RGS12: variants seen among roughly 807,000 people sequenced by gnomAD.
RGS12 encodes the protein regulator of G-protein signaling 12.
RGS12 carries 66 observed loss-of-function variants against 120.1 expected under a neutral mutation model. The ratio of observed to expected loss-of-function variants is 0.55; its 90% confidence interval spans 0.45 to 0.67. The LOEUF (loss-of-function observed/expected upper bound fraction) is 0.67. Among genes scored for constraint, RGS12 ranks in the 30% least tolerant of loss-of-function variants. The pLI, the probability that RGS12 is intolerant of heterozygous loss-of-function variation, is 0.00. For missense variants in RGS12, 1,859 were observed against 1,957.7 expected (o/e 0.95, Z 0.95); for synonymous variants, 827 against 804.7 (o/e 1.03, Z -0.47).
chr4:3,355,820 A>G (rs578204474), intron 3 of RGS12, among the ~76,000 whole-genome samples: 10 of 151,018 alleles, frequency 6.6e-5, no homozygotes, highest in African/African-American at 2.4e-4. Flanking sequence ...AAAAAAAGGA[A>G]AAAAGAAGAA....
Position 3,368,603 on chromosome 4 carries a change from TGGGTACCTGTGTGTGGGG to T in RGS12, c.1999-17806_1999-17789del, listed in dbSNP as rs760920971. On this transcript the variant is annotated intron_variant, in intron 3 of 17. Coordinates refer to ENST00000336727, the MANE Select transcript of RGS12 (RefSeq NM_001394154.1). ...GCCTGTGTGTGTGCCTGTGTGTGTG[TGGGTACCTGTGTGTGGGG>T]GGGTACATGTGTGTGTGTGGTACGT... 1.7e-3 allele frequency among the ~76,000 whole-genome samples: 185 copies of T among 108,868 alleles called. 1 individual carries two copies. Among genetic ancestry groups the T allele is most frequent in the Non-Finnish European group, 2.5e-3 (138 of 55,612 alleles). The allele number at this position is 108,868 out of a possible 152,430, so 71.4% of individuals were successfully genotyped here. A position where few individuals can be genotyped will look rare whatever the true frequency, so the allele number is the denominator to read the frequency against.
chr4:3,344,069 C>T (rs1210229773), intron 3 of RGS12, among the ~76,000 whole-genome samples: 2 of 152,072 alleles, frequency 1.3e-5, no homozygotes, highest in Non-Finnish European at 2.9e-5. Context: ...GTGGGACGGG[C>T]GAGAGTGTTC....
At chr4:3,401,998 CT>C (rs1720638064) in intron 4 of RGS12, among the ~76,000 whole-genome samples, 1 of 152,208 alleles carries the variant, frequency 6.6e-6, no homozygotes, top group Admixed American at 6.5e-5. Flanking sequence ...AGCTCCACCC[CT>C]GGGAAGGGGC....
chr4:3,294,925 G>A (rs1723281347), intron 1 of RGS12, among the ~76,000 whole-genome samples: 1 of 152,268 alleles, frequency 6.6e-6, no homozygotes, highest in Admixed American at 6.5e-5. Context: ...GACCTGTGGA[G>A]TGCTCAGGAG....
intron 1 of RGS12, among the ~76,000 whole-genome samples, chr4:3,293,936 C>T (rs867737339): frequency 9.4e-4 from 18 of 19,132 alleles, no homozygotes; most frequent in African/African-American, 8.3e-3. Context: ...GTCTCATAGC[C>T]GTGCAGACAG....
At chr4:3,427,523 G>C (rs1445358524) in intron 14 of RGS12, among the ~76,000 whole-genome samples, 2 of 152,200 alleles carry the variant, frequency 1.3e-5, no homozygotes, top group African/African-American at 4.8e-5. Flanking sequence ...ATCACCTGAG[G>C]TCAGGAGTTC....
At chr4:3,309,556 TG>T (rs1724205342) in intron 1 of RGS12, among the ~76,000 whole-genome samples, 1 of 84,012 alleles carries the variant, frequency 1.2e-5, no homozygotes. Flanking sequence ...AGCTGGGGCC[TG>T]GGAATGGCAG....
chr4:3,407,504 T>C (rs1721283521), intron 4 of RGS12: 1 of 151,948 alleles, frequency 6.6e-6, no homozygotes, highest in Non-Finnish European at 1.5e-5. Flanking sequence ...CTCAGAGGGG[T>C]GGTTTGCAGT....
chr4:3,316,019 G>A (rs897251425), intron 1 of RGS12, 51 bp from the exon 2 acceptor site: 40 of 686,652 alleles, frequency 5.8e-5, no homozygotes, highest in Middle Eastern at 7.8e-4. Context: ...CCAGTGAGTG[G>A]TGGAGAAAGA....
chr4:3,426,658 C>T (rs1444637616), intron 14 of RGS12: 2 of 152,166 alleles, frequency 1.3e-5, no homozygotes, highest in African/African-American at 2.4e-5. Flanking sequence ...ATGGGCTCGT[C>T]GCCCGGCCCC....
chr4:3,431,421 C>G (rs1341038733), intron 17 of RGS12: 3 of 999,106 alleles, frequency 3.0e-6, no homozygotes, highest in Non-Finnish European at 3.6e-6. Flanking sequence ...AGACACAGGC[C>G]CGTCCTCGGA....
intron 3 of RGS12, among the ~76,000 whole-genome samples, chr4:3,364,251 C>T (rs539930561): frequency 1.1e-4 from 17 of 152,272 alleles, no homozygotes; most frequent in South Asian, 8.3e-4. Context: ...ACTGGCTGCA[C>T]GTCGGGGCTC....
chr4:3,342,740 C>A (rs542999691), intron 2 of RGS12, among the ~76,000 whole-genome samples, 197 bp from the exon 3 acceptor site: 1 of 152,124 alleles, frequency 6.6e-6, no homozygotes, highest in Admixed American at 6.5e-5. Context: ...CCTGGGATGA[C>A]TGTTTTTTTT....
rs952200241 is a variant in RGS12, at chr4:3,394,458, C to T, written c.2020+8021C>T. On this transcript the variant is annotated intron_variant, in intron 4 of 17. Coordinates refer to ENST00000336727, the MANE Select transcript of RGS12 (RefSeq NM_001394154.1). ...GATTACAGGCGTGAGCTACCATGCT[C>T]AGCCGAATATGTGAAATGTAAATAA... Among the ~76,000 whole-genome samples, 53 of 152,346 alleles carry T rather than the reference C, an allele frequency of 3.5e-4. 2 individuals carry two copies. Among genetic ancestry groups the T allele is most frequent in the South Asian group, 2.1e-4 (1 of 4,830 alleles).
intron 2 of RGS12, among the ~76,000 whole-genome samples, chr4:3,331,912 C>A (rs903583830): frequency 7.5e-4 from 115 of 152,352 alleles, no homozygotes; most frequent in East Asian, 3.9e-4. Context: ...CTTTCCTAGT[C>A]CCTGCAGCGT....
rs1416805773 is a variant in RGS12, at chr4:3,428,618, A to G, written c.3472A>G (p.Asn1158Asp). 4 of 1,604,902 alleles carry G rather than the reference A, an allele frequency of 2.5e-6. No individual in the cohort carries two copies. The Admixed American group carries it at 5.2e-5, about 21-fold the overall frequency. The change falls in exon 16 of 18, where the codon AAT (asparagine) becomes GAT (aspartate). Residue 1158 changes from asparagine (N) to aspartate (D), a missense_variant. Physicochemically the swap from Asn to Asp is conservative, Grantham distance 23. Around this residue, in one of 3 missense-constraint regions of RGS12, gnomAD observed 517 missense variants for 488.5 expected, o/e 1.06. Transcript: ENST00000336727. ...SIKIKGENGK[N>D]ARDPRLSKRE... ...TAAAATAAAAGGAGAAAATGGAAAA[A>G]ATGCTAGGGATCCCCGGCTTTCAAA...
At chr4:3,421,676 C>T (rs555750467) in intron 10 of RGS12, among the ~76,000 whole-genome samples, 1 of 152,368 alleles carries the variant, frequency 6.6e-6, no homozygotes, top group African/African-American at 2.4e-5. Context: ...CCCCGTCCCA[C>T]AGCCGGCTCA....
Position 3,420,638 on chromosome 4 carries a change from C to G in RGS12, c.2762-4C>G. ...ACGTGAGTCACTGTGTTTCCCCTGTCAAGACGCCCTGCATGCCAATGGAGG... is the reference window on the plus strand; with the variant it reads ...ACGTGAGTCACTGTGTTTCCCCTGTGAAGACGCCCTGCATGCCAATGGAGG... On this transcript the variant is annotated splice_region_variant and splice_polypyrimidine_tract_variant and intron_variant, in intron 9 of 17. Transcript: ENST00000336727. 1 of 1,613,602 alleles carries G rather than the reference C, an allele frequency of 6.2e-7. No individual in the cohort carries two copies.
rs533109214 is a variant in RGS12 at position 3,302,846 on chromosome 4, C to T, written c.-102+9747C>T. On this transcript the variant is annotated intron_variant, in intron 1 of 17. Transcript: ENST00000336727. ...AGTCGTGGGGGGAGGAGAGAGGGCC[C>T]GTTTCAAGAGAGAGTGATTTTTGCA... Among the ~76,000 whole-genome samples the T allele has an allele frequency of 2.8e-4, 43 of 152,068 alleles. No homozygotes were observed. In the East Asian group the frequency reaches 5.0e-3, roughly 18 times the overall value.
Sources: gnomAD v4.1 joint callset for allele counts (sites outside exome capture counted in the v4.1 genomes callset) on GRCh38, gnomAD v4.1.1 for gene constraint, gnomAD v4.1.1 regional missense constraint, MANE v1.5 for transcripts, NCBI Gene and HGNC (gene_info 2026-07-23, HGNC 2026-07-21) for gene names.